KLF8: variants seen among roughly 807,000 people sequenced by gnomAD.
The protein encoded by KLF8 is KLF transcription factor 8.
A neutral mutation model predicts 18.2 loss-of-function variants in KLF8; 10 were observed. The observed-to-expected ratio is 0.55, with a 90% CI of 0.34 to 0.93. The LOEUF (loss-of-function observed/expected upper bound fraction) is 0.93. KLF8 is among the 40% of genes least tolerant of loss of function. The probability of loss-of-function intolerance (pLI) is 0.02; values close to 1 mark genes in which losing one functional copy is unlikely to be tolerated. For synonymous variants in KLF8, 109 were observed against 97.3 expected (o/e 1.12, Z -0.71); for missense variants, 264 against 277.9 (o/e 0.95, Z 0.36).
the KLF8 span, among the ~76,000 whole-genome samples, chrX:56,137,071 G>T: frequency 9.0e-6 from 1 of 110,770 alleles, no homozygotes; most frequent in Non-Finnish European, 1.9e-5. Context: ...TCTCACACCA[G>T]TTAGAATGGC....
the KLF8 span, among the ~76,000 whole-genome samples, chrX:56,096,576 T>C: frequency 9.0e-6 from 1 of 111,671 alleles, no homozygotes; most frequent in South Asian, 3.7e-4. Context: ...TGAATGTATA[T>C]ATTAAAGATC....
chrX:56,047,577 C>T, the KLF8 span, among the ~76,000 whole-genome samples: 1 of 110,411 alleles, frequency 9.1e-6, no homozygotes, highest in Non-Finnish European at 1.9e-5. Context: ...CATCCATGCC[C>T]CTACAAAGGA....
the KLF8 span, among the ~76,000 whole-genome samples, chrX:56,179,009 A>T: frequency 8.9e-6 from 1 of 111,934 alleles, no homozygotes; most frequent in African/African-American, 3.2e-5. Context: ...AGTTTTTTTC[A>T]ATTCTGTGAA....
Position 56,290,616 on chromosome X carries a change from A to G in KLF8, c.*6122A>G, listed in dbSNP as rs1219179790. 9.0e-6 allele frequency among the ~76,000 whole-genome samples: 1 copy of G among 111,589 alleles called. No homozygotes were observed. Among genetic ancestry groups the G allele is most frequent in the Non-Finnish European group, 1.9e-5 (1 of 53,093 alleles). ...CTTCCCCCTTTGTAACTCTGCTTGG[A>G]CCACATTCCATGTCACATTCTCAGA... is the stretch of plus-strand genomic sequence containing the variant. On this transcript the variant is annotated 3_prime_UTR_variant, in exon 6 of 6. Coordinates refer to ENST00000468660, the MANE Select transcript of KLF8 (RefSeq NM_007250.5).
At chrX:56,028,503 T>C in the KLF8 span, among the ~76,000 whole-genome samples, 1 of 111,417 alleles carries the variant, frequency 9.0e-6, no homozygotes, top group Admixed American at 9.6e-5. Context: ...ACACCTTATA[T>C]CCACAGTCCT....
the KLF8 span, among the ~76,000 whole-genome samples, chrX:56,053,633 T>C: frequency 9.3e-6 from 1 of 107,514 alleles, no homozygotes; most frequent in South Asian, 4.3e-4. Context: ...ATTCTTCTGG[T>C]CTTGGGCCTT....
the KLF8 span, among the ~76,000 whole-genome samples, chrX:56,215,248 A>G: frequency 8.9e-6 from 1 of 112,137 alleles, no homozygotes; most frequent in Non-Finnish European, 1.9e-5. Context: ...CTGTATATTA[A>G]ATGAGCCAGT....
At chrX:56,048,446 A>G in the KLF8 span, among the ~76,000 whole-genome samples, 1 of 111,732 alleles carries the variant, frequency 8.9e-6, no homozygotes, top group African/African-American at 3.3e-5. Context: ...ATTTTTGTAT[A>G]AGGTGTAAGG....
the KLF8 span, among the ~76,000 whole-genome samples, chrX:56,005,866 G>C: frequency 1.8e-5 from 2 of 111,969 alleles, no homozygotes; most frequent in African/African-American, 6.5e-5. Context: ...CACTCTGGTG[G>C]AGCTCTGCAG....
chrX:56,142,660 A>T, the KLF8 span, among the ~76,000 whole-genome samples: 3 of 111,859 alleles, frequency 2.7e-5, no homozygotes, highest in Non-Finnish European at 5.6e-5. Flanking sequence ...CTCAAACTTA[A>T]CATGTCCCAA....
chrX:56,064,083 G>A, the KLF8 span, among the ~76,000 whole-genome samples: 1 of 105,125 alleles, frequency 9.5e-6, no homozygotes. Context: ...ATACATGTGT[G>A]TGTATATATA....
At chrX:56,178,038 C>A in the KLF8 span, among the ~76,000 whole-genome samples, 1 of 112,064 alleles carries the variant, frequency 8.9e-6, no homozygotes, top group Non-Finnish European at 1.9e-5. Flanking sequence ...TCCCTGACCC[C>A]TTGTGCTTCC....
chrX:56,187,282 A>T, the KLF8 span, among the ~76,000 whole-genome samples: 1 of 112,125 alleles, frequency 8.9e-6, no homozygotes, highest in Non-Finnish European at 1.9e-5. Context: ...GAAGAAATGG[A>T]TAAATTCCTC....
At chrX:56,130,906 T>A in the KLF8 span, among the ~76,000 whole-genome samples, 4 of 111,477 alleles carry the variant, frequency 3.6e-5, no homozygotes, top group East Asian at 1.1e-3. Flanking sequence ...AAAAAAGAAC[T>A]TCAGTGCTCA....
chrX:56,110,050 T>C, the KLF8 span, among the ~76,000 whole-genome samples: 3 of 111,426 alleles, frequency 2.7e-5, no homozygotes, highest in Non-Finnish European at 5.7e-5. Flanking sequence ...GTTTTCTGTT[T>C]CTGCGTGAGT....
chrX:55,920,240 G>A, the KLF8 span, among the ~76,000 whole-genome samples: 1 of 111,653 alleles, frequency 9.0e-6, no homozygotes, highest in African/African-American at 3.3e-5. Flanking sequence ...CATCAAGGGA[G>A]CACCCCGTGG....
the KLF8 span, among the ~76,000 whole-genome samples, chrX:56,022,331 G>T: frequency 9.1e-6 from 1 of 109,639 alleles, no homozygotes; most frequent in Non-Finnish European, 1.9e-5. Flanking sequence ...CGGATCACGA[G>T]GTCAGGAGAT....
chrX:56,002,557 T>C, the KLF8 span, among the ~76,000 whole-genome samples: 1 of 111,415 alleles, frequency 9.0e-6, no homozygotes, highest in Non-Finnish European at 1.9e-5. Flanking sequence ...TAGCACATGA[T>C]TGACACTCAG....
At chrX:56,180,091 G>C in the KLF8 span, among the ~76,000 whole-genome samples, 4 of 111,581 alleles carry the variant, frequency 3.6e-5, no homozygotes, top group Non-Finnish European at 7.5e-5. Flanking sequence ...TGTACATCTC[G>C]TAGAATTCGG....
Sources: allele counts gnomAD v4.1 joint callset (sites outside exome capture counted in the v4.1 genomes callset), GRCh38; gene constraint gnomAD v4.1.1; transcripts MANE v1.5; gene names NCBI Gene and HGNC (gene_info 2026-07-23, HGNC 2026-07-21).